SRSF4: variants seen among roughly 807,000 people sequenced by gnomAD.
SRSF4 encodes serine/arginine-rich splicing factor 4.
In SRSF4, 12 loss-of-function variants were observed where a neutral mutation model predicts 48.8. The ratio of observed to expected loss-of-function variants is 0.25; its 90% CI spans 0.16 to 0.40. SRSF4 has a LOEUF of 0.40. Among genes scored for constraint, SRSF4 ranks in the 10% least tolerant of loss-of-function variants. SRSF4 has a pLI of 1.00. For synonymous variants in SRSF4, 248 were observed against 232.5 expected, an observed-to-expected ratio of 1.07 and a Z score of -0.61; for missense variants, 466 against 667.1, an observed-to-expected ratio of 0.70 and a Z score of 3.32.
At chr1:29,181,128 A>C (rs1475499829) in intron 1 of SRSF4, among the ~76,000 whole-genome samples, 1 of 152,230 alleles carries the variant, frequency 6.6e-6, no homozygotes, top group Non-Finnish European at 1.5e-5. Flanking sequence ...CTCCCGCCCA[A>C]AAAAGCGTGG....
intron 1 of SRSF4, chr1:29,166,178 G>C (rs1252373566): frequency 1.3e-5 from 2 of 152,140 alleles, no homozygotes; most frequent in African/African-American, 4.8e-5. Flanking sequence ...AATCTACCCT[G>C]AAAGAAATGG....
In SRSF4 at chr1:29,156,733, T is replaced by C. The variant is rs549681257; in HGVS notation, c.364-1823A>G. Among the ~76,000 whole-genome samples, 44 of 152,058 alleles carry C rather than the reference T, an allele frequency of 2.9e-4. 1 individual carries two copies. Among genetic ancestry groups the C allele is most frequent in the Middle Eastern group, 3.4e-3 (1 of 294 alleles). ...TAGAACCAACTAAGGGTGGTAACTGTTGGGGACCAGCCTCAACACCACCCG... is the reference window on the plus strand; with the variant it reads ...TAGAACCAACTAAGGGTGGTAACTGCTGGGGACCAGCCTCAACACCACCCG... On this transcript the variant is annotated intron_variant, in intron 3 of 5. Transcript: ENST00000373795.
intron 1 of SRSF4, among the ~76,000 whole-genome samples, chr1:29,181,020 T>A (rs1672946756): frequency 6.6e-6 from 1 of 152,152 alleles, no homozygotes. Context: ...AGATAAGAAG[T>A]TAAGACTTTA....
At position 29,149,181 on chromosome 1, in the gene SRSF4, A is replaced by AATCTGGCTCCGG. The variant is rs1553321350; in HGVS notation, c.713_714insCCGGAGCCAGAT (p.Ser240_Arg241insGlnIleArgSer). The AATCTGGCTCCGG allele has an allele frequency of 6.2e-7, 1 of 1,609,342 alleles. No homozygotes were observed. The highest frequency in any genetic ancestry group is 1.7e-5 in the Admixed American group (1 of 59,836). The stretch of plus-strand genomic sequence containing the variant: ...TTTTCTCTTTCTTGCTCCGGCTCCG[A>AATCTGGCTCCGG]CTCTGGCTCCGGCTCCGGCTCTTGC... On this transcript the variant is annotated inframe_insertion, in exon 6 of 6. Coordinates refer to ENST00000373795, the MANE Select transcript of SRSF4 (RefSeq NM_005626.5).
intron 1 of SRSF4, among the ~76,000 whole-genome samples, chr1:29,176,661 C>T (rs1672860401): frequency 6.6e-6 from 1 of 152,126 alleles, no homozygotes; most frequent in African/African-American, 2.4e-5. Context: ...GTATCTAAGG[C>T]TTAATAATGC....
intron 1 of SRSF4, chr1:29,172,893 G>A (rs1276267754): frequency 1.3e-5 from 2 of 152,030 alleles, no homozygotes; most frequent in East Asian, 3.8e-4. Flanking sequence ...TAAGAGGAAT[G>A]GTTGGGTAAG....
In SRSF4 at chr1:29,151,923, G is replaced by A. The variant is rs1672416899; in HGVS notation, c.579-1731C>T. Among the ~76,000 whole-genome samples the A allele has an allele frequency of 2.0e-5, 3 of 152,184 alleles. No individual in the cohort carries two copies. The South Asian group carries it at 6.2e-4, about 32-fold the overall frequency. ...TGTTAAAGCCAGAGGAGGGTATACA[G>A]GTGTTCATTAACTATTCTTTCAACT... On this transcript the variant is annotated intron_variant, in intron 4 of 5. Coordinates refer to ENST00000373795, the MANE Select transcript of SRSF4 (RefSeq NM_005626.5).
chr1:29,172,725 A>G (rs965558596), intron 1 of SRSF4: 2 of 152,230 alleles, frequency 1.3e-5, no homozygotes, highest in Non-Finnish European at 2.9e-5. Flanking sequence ...AGATACTTGA[A>G]TATGTTCACT....
chr1:29,175,875 T>A (rs963551837), intron 1 of SRSF4, among the ~76,000 whole-genome samples: 10 of 152,146 alleles, frequency 6.6e-5, no homozygotes, highest in Non-Finnish European at 2.9e-5. Context: ...ACCAAATGTC[T>A]TCCTTTTCTT....
intron 1 of SRSF4, among the ~76,000 whole-genome samples, chr1:29,178,720 C>G (rs911474942): frequency 1.3e-5 from 2 of 152,196 alleles, no homozygotes; most frequent in African/African-American, 4.8e-5. Flanking sequence ...ATCCACTGCC[C>G]TTCTGCTAGG....
chr1:29,168,521 A>G, intron 1 of SRSF4: 1 of 152,128 alleles, frequency 6.6e-6, no homozygotes, highest in East Asian at 1.9e-4. Context: ...AGGGTGAAGC[A>G]CCTCTAAGCT....
chr1:29,167,728 C>CTTCTCTT (rs1162954445), intron 1 of SRSF4, among the ~76,000 whole-genome samples: 1 of 152,134 alleles, frequency 6.6e-6, no homozygotes, highest in Non-Finnish European at 1.5e-5. Flanking sequence ...TTGTGCTTAC[C>CTTCTCTT]TTCTCTTTTG....
chr1:29,175,194 T>A (rs1672820380), intron 1 of SRSF4, among the ~76,000 whole-genome samples: 1 of 146,870 alleles, frequency 6.8e-6, no homozygotes, highest in Non-Finnish European at 1.5e-5. Context: ...GGTAGATCAC[T>A]TTGAGGTCAG....
chr1:29,174,643 A>G (rs575129843), intron 1 of SRSF4, among the ~76,000 whole-genome samples: 1 of 151,280 alleles, frequency 6.6e-6, no homozygotes, highest in African/African-American at 2.4e-5. Context: ...CAGGAGAGGC[A>G]TAAGAAAAGG....
intron 1 of SRSF4, among the ~76,000 whole-genome samples, chr1:29,165,425 T>G (rs183137762): frequency 6.6e-6 from 1 of 152,342 alleles, no homozygotes; most frequent in East Asian, 1.9e-4. Flanking sequence ...ACTTTTGAAA[T>G]GTTAACCACA....
rs559901266 is a variant in SRSF4 at position 29,168,028 on chromosome 1, T to TA, written c.108-7512_108-7511insT. ...TTCTAATTCCTTTTTTTTTTTTTTT[T>TA]TAAAAAAAACATAGTCTCGCTCTGT... On this transcript the variant is annotated intron_variant, in intron 1 of 5. Coordinates refer to ENST00000373795, the MANE Select transcript of SRSF4 (RefSeq NM_005626.5). Among the ~76,000 whole-genome samples, 264 of 135,418 alleles carry TA rather than the reference T, an allele frequency of 1.9e-3. 1 individual carries two copies. The highest frequency in any genetic ancestry group is 6.1e-3 in the South Asian group (26 of 4,256). The allele number at this position is 135,418 out of a possible 152,430, so 88.8% of individuals were successfully genotyped here.
At chr1:29,158,712 T>C (rs1672543548) in intron 3 of SRSF4, among the ~76,000 whole-genome samples, 1 of 152,184 alleles carries the variant, frequency 6.6e-6, no homozygotes, top group Non-Finnish European at 1.5e-5. Flanking sequence ...AGGCTGAGAC[T>C]GAAGGATCAC....
chr1:29,175,066 C>CT (rs1267592353), intron 1 of SRSF4, among the ~76,000 whole-genome samples: 1 of 149,892 alleles, frequency 6.7e-6, no homozygotes, highest in Non-Finnish European at 1.5e-5. Context: ...AAAAGTAAAA[C>CT]TAAAAAACCC....
intron 4 of SRSF4, 74 bp from the exon 5 acceptor site, chr1:29,150,266 T>C (rs1017147739): frequency 1.9e-5 from 15 of 771,068 alleles, no homozygotes; most frequent in Admixed American, 1.0e-4. Context: ...ACTATATATA[T>C]TATATATATA....
Sources: gnomAD v4.1 joint callset for allele counts (sites outside exome capture counted in the v4.1 genomes callset) on GRCh38, gnomAD v4.1.1 for gene constraint, MANE v1.5 for transcripts, NCBI Gene and HGNC (gene_info 2026-07-23, HGNC 2026-07-21) for gene names.